The following CREG2 variants were observed in gnomAD, a reference collection of about 807,000 sequenced individuals.
The protein encoded by CREG2 is protein CREG2.
A neutral mutation model predicts 26.2 loss-of-function variants in CREG2; 24 were observed. That is an observed-to-expected ratio of 0.92 (90% CI 0.66 to 1.29). CREG2 has a LOEUF of 1.29. Among genes scored for constraint, CREG2 ranks in the 50% most tolerant of loss-of-function variants. The probability of loss-of-function intolerance (pLI) is 0.00; values close to 1 mark genes in which losing one functional copy is unlikely to be tolerated. For missense variants in CREG2, 366 were observed against 398.6 expected, an observed-to-expected ratio of 0.92 and a Z score of 0.70; for synonymous variants, 174 against 169.2, an observed-to-expected ratio of 1.03 and a Z score of -0.22.
chr2:101,370,288 T>A (rs1684684745), intron 2 of CREG2, among the ~76,000 whole-genome samples: 1 of 152,190 alleles, frequency 6.6e-6, no homozygotes, highest in South Asian at 2.1e-4. Context: ...AGGGCACTAT[T>A]AATTTCCATC....
Position 101,348,908 on chromosome 2 carries a change from A to C in CREG2, c.*2015T>G, listed in dbSNP as rs569039865. 1 of 152,276 alleles carries C rather than the reference A, an allele frequency of 6.6e-6. No homozygotes were observed. The highest frequency in any genetic ancestry group is 2.4e-5 in the African/African-American group (1 of 41,438). 9.4% of individuals were successfully genotyped at this position (152,276 alleles called of 1,614,324 possible). On this transcript the variant is annotated 3_prime_UTR_variant, in exon 4 of 4. Coordinates refer to ENST00000324768, the MANE Select transcript of CREG2 (RefSeq NM_153836.4). ...GGAGACCATCAAACTTAAAACTGTGAATTTTCAACACTATTCTTACCCAAC... is the reference window on the plus strand; with the variant it reads ...GGAGACCATCAAACTTAAAACTGTGCATTTTCAACACTATTCTTACCCAAC...
Position 101,378,720 on chromosome 2 carries a change from C to T in CREG2, c.611+4813G>A, listed in dbSNP as rs932645745. 6.6e-5 allele frequency among the ~76,000 whole-genome samples: 10 copies of T among 152,240 alleles called. No individual in the cohort carries two copies. In the East Asian group the frequency reaches 1.9e-3, roughly 29 times the overall value. On this transcript the variant is annotated intron_variant, in intron 2 of 3. Transcript: ENST00000324768. The stretch of plus-strand genomic sequence containing the variant: ...GGCCGGGTATTTCATTCTAGCCCAG[C>T]AACTTTGTTCCACAGAAATCGCCAA...
At chr2:101,384,119 C>G (rs1684927279) in intron 1 of CREG2, among the ~76,000 whole-genome samples, 2 of 152,268 alleles carry the variant, frequency 1.3e-5, no homozygotes, top group East Asian at 3.9e-4. Context: ...ACTGCCTGTC[C>G]CAAGTTTTGA....
At chr2:101,356,145 G>A (rs148705909) in intron 2 of CREG2, among the ~76,000 whole-genome samples, 156 of 152,290 alleles carry the variant, frequency 1.0e-3, no homozygotes, top group African/African-American at 3.5e-3. Flanking sequence ...AAGTCATGCC[G>A]TCTGAAGTTA....
In CREG2 at chr2:101,368,612, T is replaced by G. The variant is rs948598131; in HGVS notation, c.612-13246A>C. ...CACCTGCTATTACAACATGGAATCC[T>G]GAGAGTCAATGAAGTTCTGAGGGTC... On this transcript the variant is annotated intron_variant, in intron 2 of 3. Transcript: ENST00000324768. Among the ~76,000 whole-genome samples, 8 of 152,186 alleles carry G rather than the reference T, an allele frequency of 5.3e-5. 1 individual carries two copies. The East Asian group carries it at 1.5e-3, about 29-fold the overall frequency.
intron 2 of CREG2, among the ~76,000 whole-genome samples, chr2:101,381,485 G>A (rs1403024266): frequency 2.6e-5 from 4 of 152,194 alleles, no homozygotes; most frequent in Admixed American, 1.3e-4. Context: ...ATGGGAAGTC[G>A]TAGACCCTAG....
rs1684441396 is a variant in CREG2 at position 101,355,373 on chromosome 2, G to T, written c.612-7C>A. 3.8e-6 allele frequency: 6 copies of T among 1,583,724 alleles called. No homozygotes were observed. The highest frequency in any genetic ancestry group is 5.2e-6 in the Non-Finnish European group (6 of 1,152,802). On this transcript the variant is annotated splice_region_variant and splice_polypyrimidine_tract_variant and intron_variant, in intron 2 of 3. Coordinates refer to ENST00000324768, the MANE Select transcript of CREG2 (RefSeq NM_153836.4). ...CGGATCAACGATGTTTTTTCTGCAT[G>T]TGAAAAACATTTTTTGTATATCAGA...
chr2:101,365,257 T>C (rs1684603123), intron 2 of CREG2, among the ~76,000 whole-genome samples: 1 of 152,204 alleles, frequency 6.6e-6, no homozygotes, highest in Non-Finnish European at 1.5e-5. Context: ...CAGAAAGCAC[T>C]GTGTTGTTCC....
intron 2 of CREG2, among the ~76,000 whole-genome samples, chr2:101,364,476 G>A (rs1433333145): frequency 3.3e-5 from 5 of 152,184 alleles, no homozygotes; most frequent in African/African-American, 1.2e-4. Flanking sequence ...GGAAATGCAG[G>A]TAAATTTTTC....
intron 2 of CREG2, chr2:101,382,442 A>T: frequency 3.4e-6 from 3 of 872,388 alleles, no homozygotes; most frequent in Non-Finnish European, 4.1e-6. Flanking sequence ...AAAAAAAAAA[A>T]GAGTAAGAAA....
chr2:101,361,515 G>C (rs1684539108), intron 2 of CREG2, among the ~76,000 whole-genome samples: 1 of 152,204 alleles, frequency 6.6e-6, no homozygotes, highest in Admixed American at 6.5e-5. Context: ...CGAGCCTTGG[G>C]TTGCAGGCAG....
At chr2:101,355,571 G>A (rs942326780) in intron 2 of CREG2, among the ~76,000 whole-genome samples, 7 of 152,130 alleles carry the variant, frequency 4.6e-5, no homozygotes, top group African/African-American at 1.7e-4. Flanking sequence ...GCTTATGTAG[G>A]TTAGATATCA....
intron 2 of CREG2, among the ~76,000 whole-genome samples, chr2:101,369,144 GT>G (rs1684664379): frequency 6.6e-6 from 1 of 152,214 alleles, no homozygotes; most frequent in Non-Finnish European, 1.5e-5. Flanking sequence ...TGAGACGGGT[GT>G]TTTGAAAATA....
chr2:101,365,791 C>G (rs1019797633), intron 2 of CREG2, among the ~76,000 whole-genome samples: 2 of 152,042 alleles, frequency 1.3e-5, no homozygotes, highest in Non-Finnish European at 2.9e-5. Flanking sequence ...TGGTTCAACC[C>G]CAGAATCCTT....
intron 3 of CREG2, among the ~76,000 whole-genome samples, chr2:101,351,786 T>A (rs1480005660): frequency 6.6e-6 from 1 of 152,148 alleles, no homozygotes; most frequent in Non-Finnish European, 1.5e-5. Context: ...TTCCTTTATA[T>A]CTAAAAAATG....
rs1684497553 is a variant in CREG2 at position 101,358,747 on chromosome 2, C to A, written c.612-3381G>T. Among the ~76,000 whole-genome samples the A allele has an allele frequency of 1.4e-5, 2 of 145,164 alleles. 1 individual carries two copies. Among genetic ancestry groups the A allele is most frequent in the Non-Finnish European group, 3.1e-5 (2 of 65,490 alleles). On this transcript the variant is annotated intron_variant, in intron 2 of 3. Transcript: ENST00000324768. ...AGGGGGGCATAAGGCAGAGTGAGAA[C>A]TGAGGTGGCCGGGCGCGGTGGCTCA...
chr2:101,371,610 A>C (rs953778223), intron 2 of CREG2, among the ~76,000 whole-genome samples: 1 of 152,246 alleles, frequency 6.6e-6, no homozygotes, highest in Non-Finnish European at 1.5e-5. Flanking sequence ...CTTCCAGGCC[A>C]TAAATACTTC....
intron 1 of CREG2, 71 bp downstream of exon 1, chr2:101,386,946 A>G: frequency 8.2e-7 from 1 of 1,222,686 alleles, no homozygotes; most frequent in Non-Finnish European, 1.0e-6. Flanking sequence ...GGTCGCGAGC[A>G]CGTCCCTGTC....
intron 3 of CREG2, 135 bp downstream of exon 3, chr2:101,355,118 G>A: frequency 1.6e-6 from 1 of 631,350 alleles, no homozygotes; most frequent in Non-Finnish European, 2.9e-6. Context: ...GCCAGGCTGA[G>A]CTTGGCCCTA....
Sources: allele counts gnomAD v4.1 joint callset (sites outside exome capture counted in the v4.1 genomes callset), GRCh38; gene constraint gnomAD v4.1.1; transcripts MANE v1.5; gene names NCBI Gene and HGNC (gene_info 2026-07-23, HGNC 2026-07-21).